The following NPC1 variants were observed in gnomAD, a reference collection of about 807,000 sequenced individuals.
NPC1 encodes NPC intracellular cholesterol transporter 1, also known as Niemann-Pick C1 protein.
NPC1 carries 85 observed loss-of-function variants against 140.4 expected under a neutral mutation model. That is an observed-to-expected ratio of 0.61 (90% confidence interval 0.51 to 0.72). The LOEUF (loss-of-function observed/expected upper bound fraction) is 0.72. NPC1 is among the 30% of genes least tolerant of loss of function. The pLI is 0.00. For synonymous variants in NPC1, 656 were observed against 624.8 expected (o/e 1.05, Z -0.74); for missense variants, 1,504 against 1,623.8 (o/e 0.93, Z 1.27).
chr18:23,561,045 G>A (rs2059030791), intron 5 of NPC1, among the ~76,000 whole-genome samples: 1 of 152,152 alleles, frequency 6.6e-6, no homozygotes. Context: ...ACAGGGCTTT[G>A]CCCTCACCAA....
chr18:23,526,623 C>T, downstream of NPC1: 1 of 1,612,786 alleles, frequency 6.2e-7, no homozygotes, highest in Non-Finnish European at 8.5e-7. Flanking sequence ...TATTTGCTGC[C>T]TCTTAAAATC....
downstream of NPC1, chr18:23,524,473 G>A (rs1416973722): frequency 4.3e-6 from 7 of 1,613,858 alleles, no homozygotes; most frequent in East Asian, 2.2e-5. Context: ...CATTATCAGC[G>A]CAAGCCAAGG....
At chr18:23,564,684 A>G (rs2059096712) in intron 4 of NPC1, among the ~76,000 whole-genome samples, 1 of 152,164 alleles carries the variant, frequency 6.6e-6, no homozygotes, top group African/African-American at 2.4e-5. Flanking sequence ...ATGAAGTCCA[A>G]TTAATCTTTT....
chr18:23,515,658 G>C (rs1430758282), intron 3 of NPC1, among the ~76,000 whole-genome samples: 2 of 152,130 alleles, frequency 1.3e-5, no homozygotes, highest in Non-Finnish European at 2.9e-5. Flanking sequence ...TCAGCCTTCT[G>C]AGTAGCTGGA....
chr18:23,568,576 T>C (rs1020242461), intron 4 of NPC1, among the ~76,000 whole-genome samples: 4 of 152,196 alleles, frequency 2.6e-5, no homozygotes, highest in African/African-American at 9.7e-5. Context: ...GGATGCAAAC[T>C]TGCACATACT....
downstream of NPC1, chr18:23,524,490 A>T: frequency 6.2e-7 from 1 of 1,613,802 alleles, no homozygotes; most frequent in East Asian, 2.2e-5. Context: ...AAGGTAGGTC[A>T]GCGGGGACAG....
Position 23,531,824 on chromosome 18 carries a change from A to G in NPC1, c.*378T>C. 6.7e-7 allele frequency: 1 copy of G among 1,490,870 alleles called. No homozygotes were observed. The highest frequency in any genetic ancestry group is 8.8e-7 in the Non-Finnish European group (1 of 1,130,528). 92.4% of individuals were successfully genotyped at this position (1,490,870 alleles called of 1,614,324 possible). A position where few individuals can be genotyped will look rare whatever the true frequency, so the allele number is the denominator to read the frequency against. On this transcript the variant is annotated 3_prime_UTR_variant, in exon 25 of 25. Transcript: ENST00000269228. The stretch of plus-strand genomic sequence containing the variant: ...TACAACCTCAACTGTCACTAAAAAT[A>G]TGGTATAGAACTTGTGGGATGGCTT...
chr18:23,534,295 G>C, intron 23 of NPC1, 151 bp downstream of exon 23: 1 of 702,578 alleles, frequency 1.4e-6, no homozygotes, highest in Admixed American at 2.0e-5. Flanking sequence ...CGTCCGTTCT[G>C]TCCACGATGT....
chr18:23,574,636 T>C (rs2059249390), intron 1 of NPC1, among the ~76,000 whole-genome samples: 1 of 152,220 alleles, frequency 6.6e-6, no homozygotes, highest in Admixed American at 6.5e-5. Context: ...GATTTGTATG[T>C]GTGGGGAAAT....
chr18:23,566,138 T>C (rs962016701), intron 4 of NPC1, among the ~76,000 whole-genome samples: 1 of 152,096 alleles, frequency 6.6e-6, no homozygotes, highest in Admixed American at 6.6e-5. Context: ...GTGCAGTGAC[T>C]CACACCTGTA....
At chr18:23,540,955 G>A in intron 16 of NPC1, 113 bp downstream of exon 16, 3 of 1,244,558 alleles carry the variant, frequency 2.4e-6, no homozygotes, top group South Asian at 2.5e-5. Context: ...TTTTTTTTTA[G>A]ATACATTTTA....
chr18:23,569,012 A>G lies in NPC1; in HGVS notation c.288-14T>C, dbSNP rs2059165501. ...CAGGATGGACATCTAAAGGAAAAGT[A>G]AATTATATTCTGCATGATCTCACAC... On this transcript the variant is annotated splice_polypyrimidine_tract_variant and intron_variant, in intron 3 of 24. Transcript: ENST00000269228. 1 of 1,597,378 alleles carries G rather than the reference A, an allele frequency of 6.3e-7. No homozygotes were observed. Among genetic ancestry groups the G allele is most frequent in the Non-Finnish European group, 8.6e-7 (1 of 1,166,060 alleles).
chr18:23,540,955 G>T (rs2058704558), intron 16 of NPC1, 113 bp downstream of exon 16: 4 of 1,244,556 alleles, frequency 3.2e-6, no homozygotes, highest in Middle Eastern at 1.9e-4. Context: ...TTTTTTTTTA[G>T]ATACATTTTA....
chr18:23,564,005 T>TTTTTG (rs1555639697), intron 4 of NPC1, among the ~76,000 whole-genome samples: 2 of 147,930 alleles, frequency 1.4e-5, no homozygotes, highest in African/African-American at 2.6e-5. Flanking sequence ...TTTTTTTTTT[T>TTTTTG]GGAGATGGAG....
chr18:23,524,162 C>T, intron 1 of NPC1: 7 of 1,613,940 alleles, frequency 4.3e-6, no homozygotes, highest in Non-Finnish European at 5.9e-6. Context: ...GTCTCCTGTT[C>T]CATGTAAACT....
rs1485413337 is a variant in NPC1 at position 23,586,436 on chromosome 18, C to A, written c.-93G>T. The A allele has an allele frequency of 3.3e-6, 5 of 1,513,946 alleles. No homozygotes were observed. The highest frequency in any genetic ancestry group is 3.5e-6 in the Non-Finnish European group (4 of 1,137,246). The allele number at this position is 1,513,946 out of a possible 1,614,324, so 93.8% of individuals were successfully genotyped here. A position where few individuals can be genotyped will look rare whatever the true frequency, so the allele number is the denominator to read the frequency against. On this transcript the variant is annotated 5_prime_UTR_variant, in exon 1 of 25. Transcript: ENST00000269228. ...ACTTCCCCGGGCTGTTTCAGCACCC[C>A]GCGCAGGAGGAGCGGAGGAGCAGGA...
intron 2 of NPC1, among the ~76,000 whole-genome samples, chr18:23,573,145 T>C (rs2059227085): frequency 6.6e-6 from 1 of 152,198 alleles, no homozygotes; most frequent in Non-Finnish European, 1.5e-5. Flanking sequence ...ACCAGCTAAC[T>C]TCTAATATAT....
intron 23 of NPC1, 112 bp downstream of exon 23, chr18:23,534,334 C>G: frequency 1.3e-6 from 1 of 774,136 alleles, no homozygotes; most frequent in Non-Finnish European, 2.2e-6. Context: ...TGCCTGAAAG[C>G]TTGCAATCCT....
At chr18:23,552,945 GAGA>G (rs2058894632) in intron 9 of NPC1, among the ~76,000 whole-genome samples, 1 of 152,206 alleles carries the variant, frequency 6.6e-6, no homozygotes, top group African/African-American at 2.4e-5. Context: ...ACAAAATGGG[GAGA>G]AGAAGCAGGT....
Sources: allele counts gnomAD v4.1 joint callset (sites outside exome capture counted in the v4.1 genomes callset), GRCh38; gene constraint gnomAD v4.1.1; transcripts MANE v1.5; gene names NCBI Gene and HGNC (gene_info 2026-07-23, HGNC 2026-07-21).